Variants in RHBDD1 observed in about 807,000 individuals in gnomAD.
RHBDD1 encodes the protein rhomboid domain containing 1, also known as rhomboid-related protein 4.
RHBDD1 carries 38 observed loss-of-function variants against 36.3 expected under a neutral mutation model. That is an observed-to-expected ratio of 1.05 (90% CI 0.81 to 1.37). The LOEUF (loss-of-function observed/expected upper bound fraction) is 1.37, where lower values mean the gene tolerates loss of function less well. Ranked by LOEUF, RHBDD1 falls within the 40% of genes most tolerant of loss-of-function variation. The pLI is 0.00. For missense variants in RHBDD1, 393 were observed against 377.6 expected (o/e 1.04, Z -0.34); for synonymous variants, 151 against 136.5 (o/e 1.11, Z -0.74).
At chr2:226,889,051 C>T (rs1213627988) in intron 5 of RHBDD1, among the ~76,000 whole-genome samples, 2 of 152,196 alleles carry the variant, frequency 1.3e-5, no homozygotes, top group African/African-American at 4.8e-5. Flanking sequence ...AAACTGTAAA[C>T]GTTCATTTAA....
intron 8 of RHBDD1, among the ~76,000 whole-genome samples, chr2:226,950,458 C>T (rs542146763): frequency 6.6e-6 from 1 of 152,174 alleles, no homozygotes; most frequent in African/African-American, 2.4e-5. Flanking sequence ...TTGATGGACA[C>T]TTAGGTTGAT....
chr2:226,925,203 C>T (rs1430871458), intron 8 of RHBDD1, among the ~76,000 whole-genome samples: 1 of 152,196 alleles, frequency 6.6e-6, no homozygotes, highest in Non-Finnish European at 1.5e-5. Context: ...AATCAAGAGG[C>T]TTACCTTCAG....
At chr2:226,826,183 C>G in the RHBDD1 span, among the ~76,000 whole-genome samples, 1 of 152,076 alleles carries the variant, frequency 6.6e-6, no homozygotes, top group East Asian at 1.9e-4. Flanking sequence ...TGGTTTAACA[C>G]CCCAAAATAG....
At chr2:226,932,583 T>C (rs761845928) in intron 8 of RHBDD1, among the ~76,000 whole-genome samples, 1 of 152,216 alleles carries the variant, frequency 6.6e-6, no homozygotes, top group African/African-American at 2.4e-5. Flanking sequence ...GGTCCTCGTT[T>C]TGTGCTGTGA....
chr2:226,928,828 C>T (rs983658952), intron 8 of RHBDD1, among the ~76,000 whole-genome samples: 4 of 151,998 alleles, frequency 2.6e-5, no homozygotes, highest in African/African-American at 4.8e-5. Context: ...GACACTACAA[C>T]CATCACCACA....
the RHBDD1 span, among the ~76,000 whole-genome samples, chr2:226,803,050 G>A: frequency 6.6e-6 from 1 of 152,178 alleles, no homozygotes; most frequent in African/African-American, 2.4e-5. Flanking sequence ...TCCTTAAGAT[G>A]TATGGGTCAT....
At chr2:226,808,663 C>T in the RHBDD1 span, 4 of 152,128 alleles carry the variant, frequency 2.6e-5, no homozygotes, top group Non-Finnish European at 5.9e-5. Context: ...GAGACCATCT[C>T]GAGAGTTAAC....
intron 8 of RHBDD1, among the ~76,000 whole-genome samples, chr2:226,948,719 T>A (rs1299437782): frequency 6.6e-6 from 1 of 152,082 alleles, no homozygotes; most frequent in Non-Finnish European, 1.5e-5. Context: ...AGACTTCCCT[T>A]TGAAAAGCAA....
chr2:226,908,603 A>T, intron 6 of RHBDD1: 1 of 536,794 alleles, frequency 1.9e-6, no homozygotes, highest in East Asian at 3.1e-5. Flanking sequence ...ACACACACAC[A>T]CACACACACA....
chr2:226,894,168 G>A (rs973537866), intron 5 of RHBDD1, among the ~76,000 whole-genome samples: 9 of 152,138 alleles, frequency 5.9e-5, no homozygotes, highest in African/African-American at 2.2e-4. Context: ...ACCTGCATTC[G>A]TTATTCCCAT....
chr2:226,844,969 A>G (rs895892088), intron 3 of RHBDD1, among the ~76,000 whole-genome samples: 3 of 152,222 alleles, frequency 2.0e-5, no homozygotes, highest in African/African-American at 4.8e-5. Context: ...CATTTATACT[A>G]TATAACACTT....
chr2:226,883,465 A>G (rs530079958), intron 5 of RHBDD1, among the ~76,000 whole-genome samples: 10 of 152,286 alleles, frequency 6.6e-5, no homozygotes, highest in East Asian at 1.9e-4. Flanking sequence ...GTTTTACCCA[A>G]TTGGCCTGCT....
intron 3 of RHBDD1, among the ~76,000 whole-genome samples, chr2:226,845,841 G>T (rs997767218): frequency 1.3e-5 from 2 of 152,230 alleles, no homozygotes; most frequent in African/African-American, 4.8e-5. Context: ...TTAACAGGAA[G>T]CTGATCTGTG....
intron 8 of RHBDD1, among the ~76,000 whole-genome samples, chr2:226,931,164 A>G (rs1467520921): frequency 6.6e-6 from 1 of 152,038 alleles, no homozygotes; most frequent in Non-Finnish European, 1.5e-5. Flanking sequence ...AAGTCATTAT[A>G]TCAAAAGAAG....
chr2:226,908,650 C>T (rs879288778), intron 6 of RHBDD1, 172 bp from the exon 7 acceptor site: 3 of 622,196 alleles, frequency 4.8e-6, no homozygotes, highest in Non-Finnish European at 8.7e-6. Context: ...CACACACACA[C>T]TCTTTTCCAG....
chr2:226,837,231 CAT>C (rs1027651769), intron 1 of RHBDD1, among the ~76,000 whole-genome samples: 2 of 152,294 alleles, frequency 1.3e-5, no homozygotes, highest in African/African-American at 4.8e-5. Context: ...ACACAAAACA[CAT>C]AGAAAACCCT....
At chr2:226,891,101 A>G (rs990426981) in intron 5 of RHBDD1, among the ~76,000 whole-genome samples, 2 of 152,138 alleles carry the variant, frequency 1.3e-5, no homozygotes, top group South Asian at 2.1e-4. Context: ...ACTATCCCAC[A>G]GTGTTTAATA....
chr2:226,804,936 T>A, the RHBDD1 span: 6 of 152,294 alleles, frequency 3.9e-5, no homozygotes, highest in Admixed American at 3.3e-4. Context: ...AGCAGAAAGA[T>A]CCTTGAGCCC....
the RHBDD1 span, among the ~76,000 whole-genome samples, chr2:226,827,086 T>G: frequency 0.04 from 6,103 of 152,216 alleles, 422 homozygotes; most frequent in African/African-American, 0.14. Flanking sequence ...AGCCTCTTAG[T>G]AGCTGGGACC....
Sources: allele counts gnomAD v4.1 joint callset (sites outside exome capture counted in the v4.1 genomes callset), GRCh38; gene constraint gnomAD v4.1.1; transcripts MANE v1.5; gene names NCBI Gene and HGNC (gene_info 2026-07-23, HGNC 2026-07-21).